ANO2: variants seen among roughly 807,000 people sequenced by gnomAD.
ANO2 encodes anoctamin-2.
Under a neutral mutation model 124.2 loss-of-function variants are expected in ANO2, and 101 were observed. That is an observed-to-expected ratio of 0.81 (90% CI 0.69 to 0.96). ANO2 has a LOEUF of 0.96. ANO2 is among the 40% of genes least tolerant of loss of function. The pLI is 0.00. For missense variants in ANO2, 1,293 were observed against 1,274.5 expected, an observed-to-expected ratio of 1.01 and a Z score of -0.22; for synonymous variants, 486 against 482.5, an observed-to-expected ratio of 1.01 and a Z score of -0.09.
chr12:5,900,774 A>T lies in ANO2; in HGVS notation c.534+20266T>A, dbSNP rs1157021576. Among the ~76,000 whole-genome samples the T allele has an allele frequency of 6.6e-6, 1 of 152,140 alleles. No individual in the cohort carries two copies. Among genetic ancestry groups the T allele is most frequent in the Non-Finnish European group, 1.5e-5 (1 of 68,024 alleles). The stretch of plus-strand genomic sequence containing the variant: ...CTCCCCTCTGGTGCTCAGTCACTTC[A>T]TCTGCTGAGTATTTAATTAGAACTG... On this transcript the variant is annotated intron_variant, in intron 3 of 24. Transcript: ENST00000682330. The surrounding 1 kb of genome is among the most constrained non-coding windows in gnomAD (Gnocchi z 4.2).
chr12:5,571,455 C>T (rs1458803619), intron 23 of ANO2, among the ~76,000 whole-genome samples: 3 of 152,150 alleles, frequency 2.0e-5, no homozygotes, highest in Non-Finnish European at 2.9e-5. Context: ...CTATCCCTGG[C>T]GAGGCTGGGT....
chr12:5,941,186 T>G (rs956962028), intron 1 of ANO2, among the ~76,000 whole-genome samples: 7 of 152,202 alleles, frequency 4.6e-5, no homozygotes, highest in African/African-American at 1.7e-4. Context: ...GCGGTGATGG[T>G]TGAACAACTC....
At chr12:5,783,948 A>G (rs1003780015) in intron 10 of ANO2, among the ~76,000 whole-genome samples, 1 of 152,094 alleles carries the variant, frequency 6.6e-6, no homozygotes, top group East Asian at 1.9e-4. Context: ...ACATCCTTAA[A>G]GTTTTATCTT....
chr12:5,880,438 A>G (rs1938405963), intron 3 of ANO2, among the ~76,000 whole-genome samples: 1 of 151,622 alleles, frequency 6.6e-6, no homozygotes, highest in Admixed American at 6.5e-5. Flanking sequence ...AAAAGGAGAG[A>G]AAAACATCTG....
At chr12:5,744,073 T>C in intron 12 of ANO2, 84 bp downstream of exon 12, 2 of 1,537,084 alleles carry the variant, frequency 1.3e-6, no homozygotes, top group Non-Finnish European at 1.8e-6. Flanking sequence ...GTAAGTAACC[T>C]GAAGGGGATG....
At chr12:5,666,888 G>C (rs1193237967) in intron 14 of ANO2, among the ~76,000 whole-genome samples, 1 of 152,002 alleles carries the variant, frequency 6.6e-6, no homozygotes, top group African/African-American at 2.4e-5. Context: ...CTATGAAGGG[G>C]GTTTTGAGCC....
chr12:5,565,726 T>G, intron 23 of ANO2, 63 bp from the exon 24 acceptor site: 2 of 1,364,124 alleles, frequency 1.5e-6, no homozygotes, highest in Non-Finnish European at 2.0e-6. Context: ...GGTCATTCTC[T>G]GGGTGAAACC....
chr12:5,856,265 C>T (rs1473799373), intron 3 of ANO2: 1 of 152,186 alleles, frequency 6.6e-6, no homozygotes, highest in Non-Finnish European at 1.5e-5. Context: ...TACCCTTTGT[C>T]TTTATTTTCA....
At chr12:5,800,404 C>T (rs757077848) in intron 9 of ANO2, among the ~76,000 whole-genome samples, 41 of 152,216 alleles carry the variant, frequency 2.7e-4, no homozygotes, top group Non-Finnish European at 3.8e-4. Context: ...CAGTAGAGGG[C>T]GAAACAATCT....
At chr12:5,600,487 C>T (rs760287740) in intron 19 of ANO2, among the ~76,000 whole-genome samples, 26 of 152,148 alleles carry the variant, frequency 1.7e-4, no homozygotes, top group Non-Finnish European at 3.1e-4. Context: ...ATAATAATGG[C>T]CCAATTTCTC....
At chr12:5,846,610 G>C (rs1397731935) in intron 4 of ANO2, among the ~76,000 whole-genome samples, 1 of 152,206 alleles carries the variant, frequency 6.6e-6, no homozygotes, top group African/African-American at 2.4e-5. Context: ...CAAGGTATCA[G>C]TGGGGCTGCA....
At chr12:5,629,243 G>T (rs912855423) in intron 16 of ANO2, among the ~76,000 whole-genome samples, 4 of 152,214 alleles carry the variant, frequency 2.6e-5, no homozygotes, top group Non-Finnish European at 2.9e-5. Context: ...AAAGGAGGCA[G>T]CAAGCCAACA....
intron 3 of ANO2, among the ~76,000 whole-genome samples, chr12:5,878,962 G>T (rs1483699152): frequency 6.6e-6 from 1 of 152,170 alleles, no homozygotes; most frequent in African/African-American, 2.4e-5. Flanking sequence ...TTAACATTTG[G>T]TTTGAAGAAA....
intron 7 of ANO2, among the ~76,000 whole-genome samples, chr12:5,825,429 A>G (rs1159871672): frequency 5.9e-5 from 9 of 152,322 alleles, no homozygotes; most frequent in African/African-American, 1.2e-4. Flanking sequence ...CTGAAGTGGA[A>G]GTGGCACCAC....
At chr12:5,596,040 C>T (rs1943642896) in intron 20 of ANO2, among the ~76,000 whole-genome samples, 2 of 152,122 alleles carry the variant, frequency 1.3e-5, no homozygotes, top group South Asian at 4.2e-4. Context: ...AATGACCATA[C>T]CTAATCACAC....
chr12:5,627,530 C>A (rs1945477868), intron 16 of ANO2, among the ~76,000 whole-genome samples: 1 of 152,224 alleles, frequency 6.6e-6, no homozygotes, highest in Admixed American at 6.5e-5. Flanking sequence ...AGAGAGCAGA[C>A]CCCCCATCCC....
intron 3 of ANO2, among the ~76,000 whole-genome samples, chr12:5,919,802 A>G (rs924704060): frequency 1.3e-5 from 2 of 151,872 alleles, no homozygotes; most frequent in Non-Finnish European, 2.9e-5. Context: ...GGTTCATGCC[A>G]TTCTCCTGCC....
At chr12:5,870,851 C>T (rs572345371) in intron 3 of ANO2, among the ~76,000 whole-genome samples, 15 of 152,334 alleles carry the variant, frequency 9.8e-5, no homozygotes, top group Non-Finnish European at 1.9e-4. Context: ...TGGCCACATG[C>T]AGTGGCGCAG....
chr12:5,794,270 A>C (rs1247415645), intron 10 of ANO2, among the ~76,000 whole-genome samples: 2 of 152,246 alleles, frequency 1.3e-5, no homozygotes, highest in East Asian at 3.9e-4. Context: ...CCCTTCATGC[A>C]TCCAGCCTCA....
Sources: allele counts gnomAD v4.1 joint callset (sites outside exome capture counted in the v4.1 genomes callset), GRCh38; gene constraint gnomAD v4.1.1; non-coding constraint Gnocchi (gnomAD v3.1); transcripts MANE v1.5; gene names NCBI Gene and HGNC (gene_info 2026-07-23, HGNC 2026-07-21).